Variants in PLCG2 observed in about 807,000 individuals in gnomAD.
PLCG2 encodes the protein 1-phosphatidylinositol 4,5-bisphosphate phosphodiesterase gamma-2.
PLCG2 carries 69 observed loss-of-function variants against 175.6 expected under a neutral mutation model. The observed-to-expected ratio is 0.39, with a 90% CI of 0.32 to 0.48. PLCG2 has a LOEUF of 0.48. Among genes scored for constraint, PLCG2 ranks in the 20% least tolerant of loss-of-function variants. The pLI is 0.91. For synonymous variants in PLCG2, 827 were observed against 624.0 expected, an observed-to-expected ratio of 1.33 and a Z score of -4.85; for missense variants, 1,798 against 1,650.9, an observed-to-expected ratio of 1.09 and a Z score of -1.54.
At chr16:81,769,334 C>T (rs1268070991) in intron 2 of PLCG2, among the ~76,000 whole-genome samples, 1 of 152,234 alleles carries the variant, frequency 6.6e-6, no homozygotes, top group Admixed American at 6.5e-5. Flanking sequence ...GTGAAAGGCA[C>T]TGGTGCCCAT....
At chr16:81,831,103 C>G (rs917684009) in intron 2 of PLCG2, among the ~76,000 whole-genome samples, 2 of 152,180 alleles carry the variant, frequency 1.3e-5, no homozygotes, top group Non-Finnish European at 2.9e-5. Flanking sequence ...CCTGATAACA[C>G]CTTCTATGAG....
intron 2 of PLCG2, among the ~76,000 whole-genome samples, chr16:81,795,236 G>A (rs545688019): frequency 1.3e-5 from 2 of 152,282 alleles, no homozygotes; most frequent in East Asian, 3.9e-4. Context: ...CGCTAGGAAG[G>A]AAAGGAACAG....
intron 1 of PLCG2, among the ~76,000 whole-genome samples, chr16:81,749,499 C>A (rs771123403): frequency 6.6e-6 from 1 of 152,006 alleles, no homozygotes; most frequent in African/African-American, 2.4e-5. Context: ...ATTACAGGCG[C>A]CTGCCACCAA....
At chr16:81,797,672 T>A (rs892394218) in intron 2 of PLCG2, among the ~76,000 whole-genome samples, 2 of 152,238 alleles carry the variant, frequency 1.3e-5, no homozygotes, top group Non-Finnish European at 2.9e-5. Context: ...TTCCGGTTTC[T>A]TCCTAACCAT....
chr16:81,875,225 A>G (rs1907723503), intron 7 of PLCG2, among the ~76,000 whole-genome samples: 1 of 151,944 alleles, frequency 6.6e-6, no homozygotes, highest in South Asian at 2.1e-4. Flanking sequence ...TGGCCTCCCA[A>G]GGTGCTGGGA....
chr16:81,944,908 T>A (rs1247320683), intron 30 of PLCG2, among the ~76,000 whole-genome samples: 1 of 152,234 alleles, frequency 6.6e-6, no homozygotes, highest in East Asian at 1.9e-4. Context: ...GTGGTGGGTA[T>A]ACAAGTAATC....
At chr16:81,846,639 A>G (rs542960505) in intron 2 of PLCG2, among the ~76,000 whole-genome samples, 39 of 152,348 alleles carry the variant, frequency 2.6e-4, no homozygotes, top group African/African-American at 9.1e-4. Flanking sequence ...TAAAAAGATC[A>G]TGAGTAGATA....
At position 81,960,347 on chromosome 16, in the gene PLCG2, CAAG is replaced by C. The variant is rs1407744152; in HGVS notation, c.*2354_*2356del. ...CTGTTAAAGCACAGCCAATCCAGGC[CAAG>C]AAGACTAGTAACAGGCACATTCTGA... On this transcript the variant is annotated 3_prime_UTR_variant, in exon 33 of 33. Transcript: ENST00000564138. 9 of 219,388 alleles carry C rather than the reference CAAG, an allele frequency of 4.1e-5. No homozygotes were observed. Among genetic ancestry groups the C allele is most frequent in the Non-Finnish European group, 7.3e-5 (8 of 109,620 alleles). 13.6% of individuals were successfully genotyped at this position (219,388 alleles called of 1,614,324 possible).
At chr16:81,803,114 T>G (rs1049302717) in intron 2 of PLCG2, among the ~76,000 whole-genome samples, 13 of 112,972 alleles carry the variant, frequency 1.2e-4, no homozygotes, top group African/African-American at 3.8e-4. Flanking sequence ...TGCATTTCAC[T>G]TTTTTTTTTT....
chr16:81,910,738 G>T lies in PLCG2; in HGVS notation c.1934+18G>T, dbSNP rs768754329. On this transcript the variant is annotated intron_variant, in intron 18 of 32. Coordinates refer to ENST00000564138, the MANE Select transcript of PLCG2 (RefSeq NM_002661.5). ...TCCAAGCCGTACGTGTCTGAGGGTG[G>T]AGCAGGAGGCAGGCGGTGGTCGGGT... 1 of 1,602,264 alleles carries T rather than the reference G, an allele frequency of 6.2e-7. No individual in the cohort carries two copies. The highest frequency in any genetic ancestry group is 8.5e-7 in the Non-Finnish European group (1 of 1,178,200).
chr16:81,771,745 C>T (rs1397655666), intron 2 of PLCG2, among the ~76,000 whole-genome samples: 3 of 135,040 alleles, frequency 2.2e-5, no homozygotes, highest in African/African-American at 8.3e-5. Context: ...GTGAATGTAA[C>T]CTTACTTGGA....
chr16:81,911,902 A>C (rs1317166669), intron 18 of PLCG2, among the ~76,000 whole-genome samples: 1 of 137,096 alleles, frequency 7.3e-6, no homozygotes, highest in Non-Finnish European at 1.5e-5. Context: ...GGTTCAAGTG[A>C]TTCTCCTGCC....
At chr16:81,895,970 G>A (rs368159365) in intron 13 of PLCG2, 43 bp downstream of exon 13, 5 of 1,612,548 alleles carry the variant, frequency 3.1e-6, no homozygotes, top group Non-Finnish European at 3.4e-6. Context: ...AAAGGGGAAG[G>A]CAGCTAGGGT....
At chr16:81,892,838 GA>G (rs1908699278) in intron 11 of PLCG2, among the ~76,000 whole-genome samples, 1 of 140,108 alleles carries the variant, frequency 7.1e-6, no homozygotes, top group Non-Finnish European at 1.5e-5. Flanking sequence ...CTAGTGTGAG[GA>G]ACATAAACTT....
In PLCG2 at chr16:81,956,695, G is replaced by C. The variant is rs746134531; in HGVS notation, c.3571G>C (p.Glu1191Gln). ...TTGTTCTCTCCCCTGCATCCTCCAG[G>C]AGAGCGAAGAGGAACTTTACTCCTC... Reference protein sequence around the residue: ...LVFCEMRPVLESEEELYSSCR... With the variant: ...LVFCEMRPVLQSEEELYSSCR... Residue 1191 changes from glutamate (E) to glutamine (Q), a missense_variant and splice_region_variant, in exon 32 of 33, where the codon GAG (glutamate) becomes CAG (glutamine). By Grantham distance (29) the Glu-to-Gln change is conservative. Coordinates refer to ENST00000564138, the MANE Select transcript of PLCG2 (RefSeq NM_002661.5). 141 of 1,613,412 alleles carry C rather than the reference G, an allele frequency of 8.7e-5. No homozygotes were observed. The highest frequency in any genetic ancestry group is 1.1e-4 in the Non-Finnish European group (135 of 1,179,866).
intron 2 of PLCG2, among the ~76,000 whole-genome samples, chr16:81,770,730 T>C (rs114540792): frequency 0.015 from 2,234 of 152,016 alleles, 53 homozygotes; most frequent in African/African-American, 0.05. Context: ...AAAATAATAA[T>C]ACTAACTTTC....
intron 1 of PLCG2, among the ~76,000 whole-genome samples, chr16:81,753,463 A>T (rs745903022): frequency 6.6e-6 from 1 of 150,452 alleles, no homozygotes; most frequent in Non-Finnish European, 1.5e-5. Flanking sequence ...CTGTTGCCCA[A>T]GCTGGAGTGC....
Position 81,866,615 on chromosome 16 carries a change from A to G in PLCG2, c.480-2599A>G, listed in dbSNP as rs1405395788. On this transcript the variant is annotated intron_variant, in intron 5 of 32. Coordinates refer to ENST00000564138, the MANE Select transcript of PLCG2 (RefSeq NM_002661.5). ...TGAGCTCCACTGGGGCACTAGCATGAGAGGATGCTGGCCTCTCCCTTGCTC... is the reference window on the plus strand; with the variant it reads ...TGAGCTCCACTGGGGCACTAGCATGGGAGGATGCTGGCCTCTCCCTTGCTC... 3.0e-5 allele frequency among the ~76,000 whole-genome samples: 3 copies of G among 99,138 alleles called. 1 individual carries two copies. Among genetic ancestry groups the G allele is most frequent in the Non-Finnish European group, 7.3e-5 (3 of 40,888 alleles). The allele number at this position is 99,138 out of a possible 152,430, so 65.0% of individuals were successfully genotyped here.
chr16:81,878,410 T>C lies in PLCG2; in HGVS notation c.649-2500T>C, dbSNP rs58739440. On this transcript the variant is annotated intron_variant, in intron 7 of 32. Transcript: ENST00000564138. ...CAAAGAAGGTCATGCCCATGGGTAC[T>C]GGGTATTAGGACTTGGACATATATT... 3.1e-3 allele frequency among the ~76,000 whole-genome samples: 475 copies of C among 152,334 alleles called. 3 individuals are homozygous for C. Among genetic ancestry groups the C allele is most frequent in the African/African-American group, 0.011 (456 of 41,566 alleles).
Sources: gnomAD v4.1 joint callset for allele counts (sites outside exome capture counted in the v4.1 genomes callset) on GRCh38, gnomAD v4.1.1 for gene constraint, MANE v1.5 for transcripts, NCBI Gene and HGNC (gene_info 2026-07-23, HGNC 2026-07-21) for gene names.